METTL15: variants seen among roughly 807,000 people sequenced by gnomAD.
METTL15 encodes the protein 12S rRNA N(4)-cytidine methyltransferase METTL15.
In METTL15, 34 loss-of-function variants were observed where a neutral mutation model predicts 38.3. That is an observed-to-expected ratio of 0.89 (90% CI 0.68 to 1.18). The LOEUF (loss-of-function observed/expected upper bound fraction) is 1.18. METTL15 is among the 50% of genes most tolerant of loss of function. The pLI is 0.00. For synonymous variants in METTL15, 162 were observed against 170.9 expected, an observed-to-expected ratio of 0.95 and a Z score of 0.41; for missense variants, 438 against 498.4, an observed-to-expected ratio of 0.88 and a Z score of 1.15.
chr11:28,203,593 T>C (rs1852195506), intron 3 of METTL15, among the ~76,000 whole-genome samples: 1 of 152,072 alleles, frequency 6.6e-6, no homozygotes, highest in Non-Finnish European at 1.5e-5. Context: ...CATTTTACTA[T>C]TAGCTTTGCC....
At chr11:28,244,907 T>G (rs1162401307) in intron 4 of METTL15, among the ~76,000 whole-genome samples, 2 of 152,200 alleles carry the variant, frequency 1.3e-5, no homozygotes, top group African/African-American at 4.8e-5. Context: ...TTTCCTTTCT[T>G]CTGATATTTT....
chr11:28,271,541 C>G (rs1342765295), intron 4 of METTL15, among the ~76,000 whole-genome samples: 1 of 152,128 alleles, frequency 6.6e-6, no homozygotes, highest in Non-Finnish European at 1.5e-5. Flanking sequence ...GACAAAAATG[C>G]AAGATCTCTA....
intron 6 of METTL15, among the ~76,000 whole-genome samples, chr11:28,521,184 G>A (rs1212486710): frequency 1.3e-5 from 2 of 152,148 alleles, no homozygotes; most frequent in Non-Finnish European, 2.9e-5. Context: ...ATCCTGATGT[G>A]GCTAAGTCAT....
chr11:28,514,628 T>C (rs1272376015), intron 6 of METTL15, among the ~76,000 whole-genome samples: 1 of 152,206 alleles, frequency 6.6e-6, no homozygotes, highest in Non-Finnish European at 1.5e-5. Flanking sequence ...AGGACAGGAA[T>C]GCTTATGAGT....
intron 5 of METTL15, among the ~76,000 whole-genome samples, chr11:28,378,240 C>T (rs1302088759): frequency 3.3e-5 from 5 of 152,144 alleles, no homozygotes; most frequent in Admixed American, 6.5e-5. Flanking sequence ...CAATGGCGGG[C>T]GCCCCTCCCC....
At chr11:28,420,272 T>G (rs1167166282) in intron 5 of METTL15, among the ~76,000 whole-genome samples, 1 of 152,152 alleles carries the variant, frequency 6.6e-6, no homozygotes, top group Non-Finnish European at 1.5e-5. Flanking sequence ...CAGTAATAAC[T>G]ACACAATTCA....
chr11:28,528,385 T>C (rs1258276343), downstream of METTL15, among the ~76,000 whole-genome samples: 1 of 152,180 alleles, frequency 6.6e-6, no homozygotes, highest in Non-Finnish European at 1.5e-5. Flanking sequence ...AAAACAGCAT[T>C]TCTCCCTCAG....
chr11:28,236,402 C>G (rs953638995), intron 4 of METTL15, among the ~76,000 whole-genome samples: 1 of 152,082 alleles, frequency 6.6e-6, no homozygotes, highest in South Asian at 2.1e-4. Context: ...CTCCTTGTAC[C>G]TCTGGTAGAA....
intron 4 of METTL15, among the ~76,000 whole-genome samples, chr11:28,247,721 G>C (rs1231844188): frequency 6.6e-6 from 1 of 152,064 alleles, no homozygotes; most frequent in Non-Finnish European, 1.5e-5. Flanking sequence ...TGATGTCTTT[G>C]TCCCATAATC....
At chr11:28,404,210 T>C (rs988676816) in intron 5 of METTL15, among the ~76,000 whole-genome samples, 2 of 152,196 alleles carry the variant, frequency 1.3e-5, no homozygotes, top group African/African-American at 4.8e-5. Context: ...AATGTGCCCA[T>C]ATAAAAAGAA....
At chr11:28,419,194 C>T (rs1420806039) in intron 5 of METTL15, among the ~76,000 whole-genome samples, 1 of 152,208 alleles carries the variant, frequency 6.6e-6, no homozygotes, top group African/African-American at 2.4e-5. Context: ...ATACCCAGTG[C>T]TATGCCAGTT....
intron 4 of METTL15, among the ~76,000 whole-genome samples, chr11:28,283,838 ATGTTACTTTTC>A (rs1221904140): frequency 6.6e-6 from 1 of 152,180 alleles, no homozygotes; most frequent in Non-Finnish European, 1.5e-5. Flanking sequence ...AGAACACAGG[ATGTTACTTTTC>A]TGTTACTTTT....
chr11:28,235,732 T>C (rs1159176834), intron 4 of METTL15, among the ~76,000 whole-genome samples: 1 of 152,156 alleles, frequency 6.6e-6, no homozygotes, highest in African/African-American at 2.4e-5. Context: ...TTTCTAGATA[T>C]ACAATCATGT....
intron 3 of METTL15, among the ~76,000 whole-genome samples, chr11:28,116,651 A>G (rs972517852): frequency 1.3e-5 from 2 of 152,264 alleles, no homozygotes; most frequent in Admixed American, 1.3e-4. Context: ...TGCTCATACA[A>G]AAGCCATCAG....
chr11:28,278,518 T>C (rs1302825102), intron 4 of METTL15, among the ~76,000 whole-genome samples: 1 of 152,216 alleles, frequency 6.6e-6, no homozygotes, highest in Admixed American at 6.5e-5. Context: ...TTTCTTTTAG[T>C]ATCAGATATC....
intron 4 of METTL15, among the ~76,000 whole-genome samples, chr11:28,220,839 A>T (rs1404474271): frequency 6.6e-6 from 1 of 152,158 alleles, no homozygotes; most frequent in African/African-American, 2.4e-5. Context: ...TTGGCTGGAT[A>T]TGAAATTCTG....
At chr11:28,365,415 C>A (rs1416806133) in intron 5 of METTL15, among the ~76,000 whole-genome samples, 7 of 152,082 alleles carry the variant, frequency 4.6e-5, no homozygotes, top group African/African-American at 1.7e-4. Context: ...GGTTGTGTTT[C>A]TAAGAATGTA....
chr11:28,201,923 G>A (rs115717088), intron 3 of METTL15, among the ~76,000 whole-genome samples: 110 of 152,190 alleles, frequency 7.2e-4, no homozygotes, highest in African/African-American at 2.3e-3. Flanking sequence ...TAGAAAATAC[G>A]TTGTAAAATT....
chr11:28,134,545 G>A (rs898564106), intron 3 of METTL15: 2 of 398,358 alleles, frequency 5.0e-6, no homozygotes, highest in Non-Finnish European at 8.8e-6. Context: ...CCCTCCTTCA[G>A]CAACTGCTGT....
Sources: allele counts gnomAD v4.1 joint callset (sites outside exome capture counted in the v4.1 genomes callset), GRCh38; gene constraint gnomAD v4.1.1; transcripts MANE v1.5; gene names NCBI Gene and HGNC (gene_info 2026-07-23, HGNC 2026-07-21).